ZNF296: variants seen among roughly 807,000 people sequenced by gnomAD.
The protein encoded by ZNF296 is zinc finger protein 342.
ZNF296 carries 1 observed loss-of-function variant against 13.2 expected under a neutral mutation model. That is an observed-to-expected ratio of 0.08 (90% confidence interval 0.03 to 0.36). The LOEUF (loss-of-function observed/expected upper bound fraction) is 0.36, where lower values mean the gene tolerates loss of function less well. Among genes scored for constraint, ZNF296 ranks in the 10% least tolerant of loss-of-function variants. ZNF296 has a pLI of 0.99. For synonymous variants in ZNF296, 303 were observed against 289.0 expected (o/e 1.05, Z -0.49); for missense variants, 555 against 688.2 (o/e 0.81, Z 2.16).
At position 45,072,340 on chromosome 19, in the gene ZNF296, C is replaced by A; in HGVS notation, c.689G>T (p.Ser230Ile). Residue 230 changes from serine (S) to isoleucine (I), a missense_variant, in exon 3 of 3, where the codon AGC becomes ATC. By Grantham distance (142) the Ser-to-Ile change is moderately radical (BLOSUM62 -2). Around this residue, in one of 3 missense-constraint regions of ZNF296, gnomAD observed 410 missense variants for 548.0 expected, o/e 0.75. Transcript: ENST00000303809. Reference sequence around the variant, plus strand: ...CTTCTTGCACACAGGACAGGTGGGGCTCCGCCGGGTGAGGCCGCTGCCACT... The same window carrying A: ...CTTCTTGCACACAGGACAGGTGGGGATCCGCCGGGTGAGGCCGCTGCCACT... ...RASGSGLTRR[S>I]PTCPVCKKTL... 1 of 1,612,806 alleles carries A rather than the reference C, an allele frequency of 6.2e-7. No homozygotes were observed. Among genetic ancestry groups the A allele is most frequent in the Non-Finnish European group, 8.5e-7 (1 of 1,179,912 alleles).
At position 45,076,132 on chromosome 19, in the gene ZNF296, G is replaced by T. The variant is rs775290649; in HGVS notation, c.242C>A (p.Ala81Asp). 1 of 1,558,238 alleles carries T rather than the reference G, an allele frequency of 6.4e-7. No homozygotes were observed. Among genetic ancestry groups the T allele is most frequent in the Non-Finnish European group, 8.6e-7 (1 of 1,157,612 alleles). ...GPMPAGAALL[A>D]LGPRNPWTLW... The stretch of plus-strand genomic sequence containing the variant: ...GGTCCACGGGTTCCGCGGGCCGAGG[G>T]CGAGGAGGGCGGCCCCGGCGGGCAT... Residue 81 changes from alanine (A) to aspartate (D), a missense_variant, in exon 1 of 3, where the codon GCC becomes GAC. Ala to Asp is a moderately radical substitution (Grantham distance 126). This residue lies in a region of ZNF296 where 137 missense variants were observed against 121.9 expected (regional missense o/e 1.12). Coordinates refer to ENST00000303809, the MANE Select transcript of ZNF296 (RefSeq NM_145288.3). The surrounding 1 kb of genome is among the most constrained non-coding windows in gnomAD (Gnocchi z 4.9).
intron 2 of ZNF296, 131 bp from the exon 3 acceptor site, chr19:45,072,711 G>A (rs1446191708): frequency 8.3e-7 from 1 of 1,202,256 alleles, no homozygotes; most frequent in East Asian, 2.5e-5. Context: ...GGACCAGGAA[G>A]CTGACGCTCA....
Position 45,072,412 on chromosome 19 carries a change from A to T in ZNF296, c.617T>A (p.Val206Glu). 6.2e-7 allele frequency: 1 copy of T among 1,612,546 alleles called. No individual in the cohort carries two copies. The highest frequency in any genetic ancestry group is 8.5e-7 in the Non-Finnish European group (1 of 1,179,728). Residue 206 changes from valine to glutamate, a missense_variant, in exon 3 of 3, where the codon GTG (valine) becomes GAG (glutamate). Physicochemically the swap from Val to Glu is moderately radical, Grantham distance 121. This residue lies in a region of ZNF296 where 410 missense variants were observed against 548.0 expected (regional missense o/e 0.75). Coordinates refer to ENST00000303809, the MANE Select transcript of ZNF296 (RefSeq NM_145288.3). ...AGCTGCTGGCCCCACCACTGCCGAC[A>T]CGGCTGCAGCCACCTCGGCCAGGCC... ...LLGLAEVAAA[V>E]SAVVGPAAEA... is the part of the protein sequence containing the mutation.
At chr19:45,075,488 T>C (rs1967327421) in intron 2 of ZNF296, among the ~76,000 whole-genome samples, 1 of 152,076 alleles carries the variant, frequency 6.6e-6, no homozygotes, top group South Asian at 2.1e-4. Context: ...GGCCACACCC[T>C]GTAGGCGGCC....
Position 45,075,867 on chromosome 19 carries a change from A to G in ZNF296, c.299-5T>C, listed in dbSNP as rs777317812. 1.9e-6 allele frequency: 3 copies of G among 1,613,280 alleles called. No individual in the cohort carries two copies. The South Asian group carries it at 3.3e-5, about 18-fold the overall frequency. Reference sequence around the variant, plus strand: ...TGTCGGTCCAGGGCTGGCGGTCTGCAGGGAGGAAGCGGGTGGTGAGCGTGG... The same window carrying G: ...TGTCGGTCCAGGGCTGGCGGTCTGCGGGGAGGAAGCGGGTGGTGAGCGTGG... On this transcript the variant is annotated splice_region_variant and splice_polypyrimidine_tract_variant and intron_variant, in intron 1 of 2. Coordinates refer to ENST00000303809, the MANE Select transcript of ZNF296 (RefSeq NM_145288.3).
In ZNF296 at chr19:45,075,881, TGGTGAGCGTGG is replaced by T; in HGVS notation, c.299-30_299-20del. ...TGGCGGTCTGCAGGGAGGAAGCGGG[TGGTGAGCGTGG>T]GGTGGGGCCAGGATGGGGGCTGAGG... On this transcript the variant is annotated intron_variant, in intron 1 of 2. Coordinates refer to ENST00000303809, the MANE Select transcript of ZNF296 (RefSeq NM_145288.3). 1 of 1,607,228 alleles carries T rather than the reference TGGTGAGCGTGG, an allele frequency of 6.2e-7. No individual in the cohort carries two copies. Among genetic ancestry groups the T allele is most frequent in the Non-Finnish European group, 8.5e-7 (1 of 1,177,400 alleles).
chr19:45,075,618 G>C, intron 2 of ZNF296, 95 bp downstream of exon 2: 1 of 1,459,156 alleles, frequency 6.9e-7, no homozygotes, highest in African/African-American at 1.4e-5. Context: ...GAAAGGGGAA[G>C]TAGTGCTCAG....
chr19:45,073,074 A>G (rs1967286164), intron 2 of ZNF296, among the ~76,000 whole-genome samples: 1 of 152,126 alleles, frequency 6.6e-6, no homozygotes, highest in South Asian at 2.1e-4. Flanking sequence ...ATCTTTTAAA[A>G]AGTTATGTTA....
At chr19:45,072,810 G>A (rs1967282159) in intron 2 of ZNF296, among the ~76,000 whole-genome samples, 1 of 151,898 alleles carries the variant, frequency 6.6e-6, no homozygotes, top group African/African-American at 2.4e-5. Context: ...CGCCCAGGCT[G>A]GGGTGCAGTG....
At chr19:45,074,635 G>A (rs1335124551) in intron 2 of ZNF296, among the ~76,000 whole-genome samples, 2 of 152,116 alleles carry the variant, frequency 1.3e-5, no homozygotes, top group African/African-American at 4.8e-5. Context: ...AGACTTCTCT[G>A]CTCCCTAATT....
Position 45,076,246 on chromosome 19 carries a change from TG to T in ZNF296, c.127del (p.Gln43AsnfsTer52). The stretch of plus-strand genomic sequence containing the variant: ...GAAGGGCCCCAGCCTTGGGGCCTGT[TG>T]GGGCTGCGCGTCTGGCTCGGGCTTG... ...ELKPEPDAQPQQAPRLGPFSP... is the reference protein window; with the variant it reads ...ELKPEPDAQPXQAPRLGPFSP... On this transcript the variant is annotated frameshift_variant, in exon 1 of 3. Transcript: ENST00000303809. LOFTEE classifies it high-confidence loss of function. The surrounding 1 kb of genome is among the most constrained non-coding windows in gnomAD (Gnocchi z 4.9). 6.6e-7 allele frequency: 1 copy of T among 1,507,996 alleles called. No individual in the cohort carries two copies. Among genetic ancestry groups the T allele is most frequent in the South Asian group, 1.3e-5 (1 of 76,630 alleles). The allele number at this position is 1,507,996 out of a possible 1,614,324, so 93.4% of individuals were successfully genotyped here.
chr19:45,076,200 C>T lies in ZNF296; in HGVS notation c.174G>A (p.Ser58=). ...LGPFSPKEVS[S]AGRFGGEPHH... ...GGGGTTCGCCGCCGAACCGCCCCGCCGAGGACACCTCCTTCGGGGAGAAGG... is the reference window on the plus strand; with the variant it reads ...GGGGTTCGCCGCCGAACCGCCCCGCTGAGGACACCTCCTTCGGGGAGAAGG... Residue 58 remains serine, a synonymous_variant, in exon 1 of 3, where the codon TCG becomes TCA. Transcript: ENST00000303809. The surrounding 1 kb of genome is among the most constrained non-coding windows in gnomAD (Gnocchi z 4.9). The T allele has an allele frequency of 1.3e-6, 2 of 1,506,116 alleles. No individual in the cohort carries two copies. Among genetic ancestry groups the T allele is most frequent in the Non-Finnish European group, 8.8e-7 (1 of 1,130,914 alleles). The allele number at this position is 1,506,116 out of a possible 1,614,324, so 93.3% of individuals were successfully genotyped here. A position where few individuals can be genotyped will look rare whatever the true frequency, so the allele number is the denominator to read the frequency against.
rs1190650327 is a variant in ZNF296, at chr19:45,072,278, G to A, written c.751C>T (p.Arg251Cys). Reference sequence around the variant, plus strand: ...TAGGGCCGCTCGCCTGTGTGTGAGCGCATGTGCACTTTGAGGTTGCTGAAG... The same window carrying A: ...TAGGGCCGCTCGCCTGTGTGTGAGCACATGTGCACTTTGAGGTTGCTGAAG... Reference protein sequence around the residue: ...SSFSNLKVHMRSHTGERPYAC... With the variant: ...SSFSNLKVHMCSHTGERPYAC... Residue 251 changes from arginine (R) to cysteine (C), a missense_variant, in exon 3 of 3, where the codon CGC becomes TGC. Arg to Cys is a radical substitution (Grantham distance 180). This residue lies in a region of ZNF296 where 410 missense variants were observed against 548.0 expected (regional missense o/e 0.75). Coordinates refer to ENST00000303809, the MANE Select transcript of ZNF296 (RefSeq NM_145288.3). The A allele has an allele frequency of 1.2e-6, 2 of 1,613,516 alleles. No individual in the cohort carries two copies. Among genetic ancestry groups the A allele is most frequent in the Non-Finnish European group, 1.7e-6 (2 of 1,179,926 alleles).
chr19:45,076,004 A>G lies in ZNF296; in HGVS notation c.298+72T>C. The G allele has an allele frequency of 6.4e-7, 1 of 1,567,534 alleles. No homozygotes were observed. The highest frequency in any genetic ancestry group is 1.1e-5 in the South Asian group (1 of 87,006). ...GGAGATAAGGCAGGGCGAGGGGCCC[A>G]TGCCCAAAGGGAAGGGTCCCACCCG... On this transcript the variant is annotated intron_variant, in intron 1 of 2. Transcript: ENST00000303809. The surrounding 1 kb of genome is among the most constrained non-coding windows in gnomAD (Gnocchi z 4.9).
rs755024433 is a variant in ZNF296, at chr19:45,071,820, C to T, written c.1209G>A (p.Val403=). 5.6e-6 allele frequency: 9 copies of T among 1,613,220 alleles called. No individual in the cohort carries two copies. In the African/African-American group the frequency reaches 9.3e-5, roughly 17 times the overall value. The change falls in exon 3 of 3, where the codon GTG becomes GTA. Residue 403 remains valine (V), a synonymous_variant. Coordinates refer to ENST00000303809, the MANE Select transcript of ZNF296 (RefSeq NM_145288.3). ...KHFTNSSNLT[V]HRRSHTGERP... The stretch of plus-strand genomic sequence containing the variant: ...GCTCCCCGGTGTGTGAGCGCCGGTG[C>T]ACCGTCAGGTTGCTGCTGTTGGTAA...
rs1378355707 is a variant in ZNF296, at chr19:45,071,726, T to C, written c.1303A>G (p.Met435Val). 6.2e-7 allele frequency: 1 copy of C among 1,606,078 alleles called. No homozygotes were observed. ...QSSKLNRHRR[M>V]HGMTPGSTRF... ...GTGCTGCCAGGCGTCATGCCGTGCA[T>C]GCGGCGGTGGCGGTTGAGCTTACTG... Residue 435 changes from methionine to valine, a missense_variant, in exon 3 of 3, where the codon ATG (methionine) becomes GTG (valine). Physicochemically the swap from Met to Val is conservative, Grantham distance 21 (BLOSUM62 1). This residue lies in a region of ZNF296 where 410 missense variants were observed against 548.0 expected (regional missense o/e 0.75). Coordinates refer to ENST00000303809, the MANE Select transcript of ZNF296 (RefSeq NM_145288.3).
rs1967350250 is a variant in ZNF296 at position 45,076,305 on chromosome 19, G to A, written c.69C>T (p.Asp23=). 2.8e-6 allele frequency: 4 copies of A among 1,435,292 alleles called. No homozygotes were observed. In the African/African-American group the frequency reaches 4.5e-5, roughly 16 times the overall value. The allele number at this position is 1,435,292 out of a possible 1,614,324, so 88.9% of individuals were successfully genotyped here. ...TGACGAGGTCCTGCATTTCCATCTC[G>A]TCGTCTGGGTTGGCGGCGGGCGCGG... is the stretch of plus-strand genomic sequence containing the variant. ...VEPAPAANPD[D]EMEMQDLVIE... The change falls in exon 1 of 3, where the codon GAC becomes GAT. Residue 23 remains aspartate (D), a synonymous_variant. Transcript: ENST00000303809. The surrounding 1 kb of genome is among the most constrained non-coding windows in gnomAD (Gnocchi z 4.9).
chr19:45,071,773 C>T lies in ZNF296; in HGVS notation c.1256G>A (p.Cys419Tyr). Residue 419 changes from cysteine to tyrosine, a missense_variant, in exon 3 of 3, where the codon TGC (cysteine) becomes TAC (tyrosine). Transcript: ENST00000303809. ...TGERPYTCEF[C>Y]NYACAQSSKL... ...ACTGCTCTGGGCGCAGGCGTAGTTG[C>T]AGAACTCACAGGTGTAGGGGCGCTC... The T allele has an allele frequency of 1.2e-6, 2 of 1,613,046 alleles. No homozygotes were observed. The highest frequency in any genetic ancestry group is 1.7e-6 in the Non-Finnish European group (2 of 1,179,748).
Position 45,072,481 on chromosome 19 carries a change from G to T in ZNF296, c.548C>A (p.Ser183Tyr). 4 of 1,613,566 alleles carry T rather than the reference G, an allele frequency of 2.5e-6. No individual in the cohort carries two copies. The highest frequency in any genetic ancestry group is 3.4e-6 in the Non-Finnish European group (4 of 1,180,034). The stretch of plus-strand genomic sequence containing the variant: ...GGCCTCTGATTCTGTCTGGTAGATG[G>T]ACAGTCCGTGGTCCCACTGGGCGTG... ...LRHAQWDHGL[S>Y]IYQTESEAPE... The change falls in exon 3 of 3, where the codon TCC (serine) becomes TAC (tyrosine). Residue 183 changes from serine to tyrosine, a missense_variant. Physicochemically the swap from Ser to Tyr is moderately radical, Grantham distance 144. This residue lies in a region of ZNF296 where 410 missense variants were observed against 548.0 expected (regional missense o/e 0.75). Coordinates refer to ENST00000303809, the MANE Select transcript of ZNF296 (RefSeq NM_145288.3).
Sources: allele counts gnomAD v4.1 joint callset (sites outside exome capture counted in the v4.1 genomes callset), GRCh38; gene constraint gnomAD v4.1.1; regional missense constraint gnomAD v4.1.1; non-coding constraint Gnocchi (gnomAD v3.1); transcripts MANE v1.5; gene names NCBI Gene and HGNC (gene_info 2026-07-23, HGNC 2026-07-21).